The following EYS variants were observed in gnomAD, a reference collection of about 807,000 sequenced individuals.
EYS encodes the protein EGF-like photoreceptor maintenance factor.
EYS carries 250 observed loss-of-function variants against 282.1 expected under a neutral mutation model. That is an observed-to-expected ratio of 0.89 (90% CI 0.80 to 0.98). The LOEUF (loss-of-function observed/expected upper bound fraction) is 0.98. EYS is among the 50% of genes least tolerant of loss of function. EYS has a pLI of 0.00. For missense variants in EYS, 4,016 were observed against 3,709.0 expected (o/e 1.08, Z -2.15); for synonymous variants, 1,355 against 1,282.9 (o/e 1.06, Z -1.20).
At chr6:63,779,721 T>A (rs1293407271) in intron 39 of EYS, among the ~76,000 whole-genome samples, 1 of 151,780 alleles carries the variant, frequency 6.6e-6, no homozygotes, top group Non-Finnish European at 1.5e-5. Context: ...AAACTTTTTT[T>A]TGGAGGCATA....
intron 13 of EYS, among the ~76,000 whole-genome samples, chr6:65,027,857 A>G (rs1246950187): frequency 6.6e-6 from 1 of 152,174 alleles, no homozygotes; most frequent in South Asian, 2.1e-4. Context: ...GTGAATATGA[A>G]TATGTATAAA....
chr6:64,543,961 T>C (rs1005133825), intron 26 of EYS, among the ~76,000 whole-genome samples: 2 of 152,218 alleles, frequency 1.3e-5, no homozygotes, highest in Non-Finnish European at 2.9e-5. Flanking sequence ...GATAAGCACA[T>C]AATCACATAC....
At chr6:64,636,929 G>C (rs1768003905) in intron 22 of EYS, among the ~76,000 whole-genome samples, 1 of 136,282 alleles carries the variant, frequency 7.3e-6, no homozygotes, top group African/African-American at 2.8e-5. Context: ...TCATTAAAAA[G>C]TCAGGAAACA....
At chr6:65,000,617 T>TA (rs201736723) in intron 13 of EYS, among the ~76,000 whole-genome samples, 169 of 147,958 alleles carry the variant, frequency 1.1e-3, no homozygotes, top group Middle Eastern at 0.01. Context: ...ACTAAAAATA[T>TA]AAAAAAAAAA....
intron 5 of EYS, among the ~76,000 whole-genome samples, chr6:65,442,608 G>A (rs1388039469): frequency 6.6e-6 from 1 of 151,658 alleles, no homozygotes; most frequent in African/African-American, 2.4e-5. Context: ...AAAAAAATTA[G>A]CAGGGCTTAG....
intron 16 of EYS, among the ~76,000 whole-genome samples, chr6:64,903,762 C>A (rs1310190342): frequency 6.6e-6 from 1 of 152,108 alleles, no homozygotes; most frequent in African/African-American, 2.4e-5. Flanking sequence ...CTTTTCATAT[C>A]ATACCATGCC....
chr6:64,491,464 C>G (rs1776739305), intron 26 of EYS, among the ~76,000 whole-genome samples: 2 of 150,840 alleles, frequency 1.3e-5, no homozygotes. Context: ...AATATTTTTA[C>G]TGAACCCAGA....
At chr6:65,252,895 A>G (rs1012600960) in intron 12 of EYS, among the ~76,000 whole-genome samples, 2 of 152,024 alleles carry the variant, frequency 1.3e-5, no homozygotes, top group Admixed American at 6.6e-5. Context: ...ACAGCAGATC[A>G]ATGAAGATTA....
intron 22 of EYS, among the ~76,000 whole-genome samples, chr6:64,807,356 A>G (rs1764462354): frequency 6.6e-6 from 1 of 152,124 alleles, no homozygotes; most frequent in South Asian, 2.1e-4. Flanking sequence ...TGACTGACAG[A>G]GTACAAACCT....
At chr6:65,050,553 T>C (rs1228695182) in intron 13 of EYS, among the ~76,000 whole-genome samples, 1 of 151,560 alleles carries the variant, frequency 6.6e-6, no homozygotes, top group Admixed American at 6.6e-5. Context: ...TCTAAATTGA[T>C]CTGGACTTGA....
chr6:65,412,122 G>C (rs1767043510), intron 5 of EYS, among the ~76,000 whole-genome samples: 1 of 152,022 alleles, frequency 6.6e-6, no homozygotes, highest in South Asian at 2.1e-4. Flanking sequence ...TACCATGTGA[G>C]GATACAACAA....
At chr6:65,700,501 T>C (rs559068058) in intron 1 of EYS, among the ~76,000 whole-genome samples, 15 of 152,348 alleles carry the variant, frequency 9.8e-5, no homozygotes, top group Middle Eastern at 3.4e-3. Context: ...ATTTTAACTT[T>C]TAAAACTTTT....
At chr6:64,446,369 T>C (rs1444979939) in intron 26 of EYS, among the ~76,000 whole-genome samples, 1 of 152,050 alleles carries the variant, frequency 6.6e-6, no homozygotes, top group South Asian at 2.1e-4. Flanking sequence ...ATAGAATACA[T>C]GTATTTTAGA....
chr6:64,910,880 G>A (rs1433366605), intron 16 of EYS, among the ~76,000 whole-genome samples: 1 of 152,072 alleles, frequency 6.6e-6, no homozygotes. Context: ...TGAAAACAAT[G>A]CCCACTTTGC....
At chr6:64,682,367 CAA>C (rs2149905607) in intron 22 of EYS, among the ~76,000 whole-genome samples, 1 of 151,966 alleles carries the variant, frequency 6.6e-6, no homozygotes, top group Admixed American at 6.6e-5. Flanking sequence ...GACTCCATCT[CAA>C]AACAACAAAA....
intron 22 of EYS, among the ~76,000 whole-genome samples, chr6:64,786,116 T>G (rs1037402581): frequency 2.6e-5 from 4 of 152,166 alleles, no homozygotes; most frequent in Non-Finnish European, 5.9e-5. Context: ...AACTCAGGTT[T>G]TACAATGAGC....
intron 33 of EYS, among the ~76,000 whole-genome samples, chr6:64,025,789 C>A (rs955741103): frequency 1.3e-5 from 2 of 152,196 alleles, no homozygotes; most frequent in South Asian, 2.1e-4. Context: ...ACTCTTCCAA[C>A]CCTGGAGATC....
At chr6:65,454,775 T>G (rs973164644) in intron 5 of EYS, among the ~76,000 whole-genome samples, 1 of 152,138 alleles carries the variant, frequency 6.6e-6, no homozygotes, top group East Asian at 1.9e-4. Context: ...TTTTCCTCAA[T>G]GTGTGTTCTT....
In EYS at chr6:65,353,524, A is replaced by G; in HGVS notation, c.1393T>C (p.Phe465Leu). 6.2e-7 allele frequency: 1 copy of G among 1,613,104 alleles called. No homozygotes were observed. The highest frequency in any genetic ancestry group is 8.5e-7 in the Non-Finnish European group (1 of 1,179,350). Reference protein sequence around the residue: ...HQHLCYCGVTFHGICQDKGPA... With the variant: ...HQHLCYCGVTLHGICQDKGPA... ...CCTTTATCTTGGCAAATACCATGGA[A>G]GGTGACTCCACAGTAGCAGAGGTGT... is the stretch of plus-strand genomic sequence containing the variant. Residue 465 changes from phenylalanine to leucine, a missense_variant, in exon 9 of 43, where the codon TTC (phenylalanine) becomes CTC (leucine). Transcript: ENST00000503581.
Sources: allele counts gnomAD v4.1 joint callset (sites outside exome capture counted in the v4.1 genomes callset), GRCh38; gene constraint gnomAD v4.1.1; transcripts MANE v1.5; gene names NCBI Gene and HGNC (gene_info 2026-07-23, HGNC 2026-07-21).